SH3PXD2B: variants seen among roughly 807,000 people sequenced by gnomAD.
SH3PXD2B encodes SH3 and PX domains 2B, also known as SH3 and PX domain-containing protein 2B.
Under a neutral mutation model 73.1 loss-of-function variants are expected in SH3PXD2B, and 37 were observed. The observed-to-expected ratio is 0.51, with a 90% CI of 0.39 to 0.67. The LOEUF (loss-of-function observed/expected upper bound fraction) is 0.67, where lower values mean the gene tolerates loss of function less well. Ranked by LOEUF, SH3PXD2B falls within the 30% of genes least tolerant of loss-of-function variation. The pLI, the probability that SH3PXD2B is intolerant of heterozygous loss-of-function variation, is 0.00. For missense variants in SH3PXD2B, 1,053 were observed against 1,197.8 expected, an observed-to-expected ratio of 0.88 and a Z score of 1.78; for synonymous variants, 457 against 480.5, an observed-to-expected ratio of 0.95 and a Z score of 0.64.
At chr5:172,373,672 T>A in intron 6 of SH3PXD2B, 118 bp downstream of exon 6, 2 of 1,161,606 alleles carry the variant, frequency 1.7e-6, no homozygotes, top group Non-Finnish European at 2.5e-6. Flanking sequence ...CTGCCAACCA[T>A]CCACCCATCC....
rs571850981 is a variant in SH3PXD2B at position 172,396,198 on chromosome 5, CAAAAA to C, written c.233-1564_233-1560del. ...CAAAACTCTGTCTCTACTAAAAATA[CAAAAA>C]AAAAAAAAAAAAAAAAAAAAATCAG... On this transcript the variant is annotated intron_variant, in intron 3 of 12. Transcript: ENST00000311601. 3.2e-4 allele frequency among the ~76,000 whole-genome samples: 25 copies of C among 78,382 alleles called. No individual in the cohort carries two copies. In the South Asian group the frequency reaches 4.3e-3, roughly 13 times the overall value. 51.4% of individuals were successfully genotyped at this position (78,382 alleles called of 152,430 possible). A position where few individuals can be genotyped will look rare whatever the true frequency, so the allele number is the denominator to read the frequency against.
At chr5:172,362,329 AG>A in intron 7 of SH3PXD2B, among the ~76,000 whole-genome samples, 1 of 152,262 alleles carries the variant, frequency 6.6e-6, no homozygotes, top group Middle Eastern at 3.4e-3. Flanking sequence ...TGTGATGGGC[AG>A]GTAGGCTAAG....
chr5:172,390,180 C>A (rs1032300490), intron 4 of SH3PXD2B, among the ~76,000 whole-genome samples: 14 of 152,302 alleles, frequency 9.2e-5, no homozygotes, highest in Middle Eastern at 6.8e-3. Context: ...GTCCCCCAAC[C>A]TAATTTACAG....
At position 172,336,743 on chromosome 5, in the gene SH3PXD2B, A is replaced by G; in HGVS notation, c.*1626T>C. The G allele has an allele frequency of 1.0e-6, 1 of 985,686 alleles. No individual in the cohort carries two copies. The highest frequency in any genetic ancestry group is 5.2e-4 in the Middle Eastern group (1 of 1,914). The allele number at this position is 985,686 out of a possible 1,614,324, so 61.1% of individuals were successfully genotyped here. On this transcript the variant is annotated 3_prime_UTR_variant, in exon 13 of 13. Transcript: ENST00000311601. Reference sequence around the variant, plus strand: ...GGCAGGGCTGCCTCGGTCGGGTAGAATGGGAAGGGGTTCTGCTCTGCTCTC... The same window carrying G: ...GGCAGGGCTGCCTCGGTCGGGTAGAGTGGGAAGGGGTTCTGCTCTGCTCTC...
At chr5:172,378,398 G>A (rs1757866796) in intron 5 of SH3PXD2B, among the ~76,000 whole-genome samples, 4 of 152,202 alleles carry the variant, frequency 2.6e-5, no homozygotes. Flanking sequence ...TGAAACTGCA[G>A]GTGCTCTTCC....
intron 10 of SH3PXD2B, among the ~76,000 whole-genome samples, 175 bp downstream of exon 10, chr5:172,350,188 C>T (rs577013489): frequency 4.6e-5 from 7 of 152,262 alleles, no homozygotes; most frequent in East Asian, 1.9e-4. Context: ...CTGCAATTCA[C>T]GGGCTGAATG....
chr5:172,353,120 G>C lies in SH3PXD2B; in HGVS notation c.785+768C>G, dbSNP rs2113296301. On this transcript the variant is annotated intron_variant, in intron 9 of 12. Coordinates refer to ENST00000311601, the MANE Select transcript of SH3PXD2B (RefSeq NM_001017995.3). The surrounding 1 kb of genome is among the most constrained non-coding windows in gnomAD (Gnocchi z 4.3). ...TTGACTCCTCAGCTCCCAGAACAGG[G>C]CTGGGCCCAACAGAGATTCTTGGTG... Among the ~76,000 whole-genome samples, 1 of 152,256 alleles carries C rather than the reference G, an allele frequency of 6.6e-6. No homozygotes were observed. The highest frequency in any genetic ancestry group is 2.4e-5 in the African/African-American group (1 of 41,536).
chr5:172,347,680 G>C (rs1184887125), intron 10 of SH3PXD2B, among the ~76,000 whole-genome samples: 1 of 152,164 alleles, frequency 6.6e-6, no homozygotes, highest in East Asian at 1.9e-4. Context: ...CACAGCTGCT[G>C]GCATTGGACA....
In SH3PXD2B at chr5:172,346,206, T is replaced by C. The variant is rs1408830667; in HGVS notation, c.1118A>G (p.Tyr373Cys). The C allele has an allele frequency of 6.2e-7, 1 of 1,614,068 alleles. No individual in the cohort carries two copies. Among genetic ancestry groups the C allele is most frequent in the Non-Finnish European group, 8.5e-7 (1 of 1,180,036 alleles). Residue 373 changes from tyrosine (Y) to cysteine (C), a missense_variant, in exon 12 of 13, where the codon TAT becomes TGT. This residue lies in a region of SH3PXD2B where 466 missense variants were observed against 607.1 expected (regional missense o/e 0.77). Coordinates refer to ENST00000311601, the MANE Select transcript of SH3PXD2B (RefSeq NM_001017995.3). ...PPIPPQVEEEYYTIAEFQTTI... is the reference protein window; with the variant it reads ...PPIPPQVEEECYTIAEFQTTI... Reference sequence around the variant, plus strand: ...TGTCTGGAATTCGGCGATGGTGTAATACTCTTCCTCCACTTGGGGCGGGAT... The same window carrying C: ...TGTCTGGAATTCGGCGATGGTGTAACACTCTTCCTCCACTTGGGGCGGGAT...
Position 172,334,177 on chromosome 5 carries a change from A to G in SH3PXD2B, c.*4192T>C. The G allele has an allele frequency of 9.0e-7, 1 of 1,108,160 alleles. No homozygotes were observed. The highest frequency in any genetic ancestry group is 1.1e-6 in the Non-Finnish European group (1 of 906,396). 68.6% of individuals were successfully genotyped at this position (1,108,160 alleles called of 1,614,324 possible). On this transcript the variant is annotated 3_prime_UTR_variant, in exon 13 of 13. Coordinates refer to ENST00000311601, the MANE Select transcript of SH3PXD2B (RefSeq NM_001017995.3). ...TTGAAACATGAGGAGGAGCTCGATA[A>G]CTTGGCAGAATAGCACCAGAAACCA... is the stretch of plus-strand genomic sequence containing the variant.
chr5:172,393,509 A>G (rs550120938), intron 4 of SH3PXD2B, among the ~76,000 whole-genome samples: 1 of 152,044 alleles, frequency 6.6e-6, no homozygotes, highest in South Asian at 2.1e-4. Flanking sequence ...AAGAGTCAAT[A>G]CTCTTTCCTT....
chr5:172,387,404 T>TA (rs1260048775), intron 4 of SH3PXD2B, among the ~76,000 whole-genome samples: 2 of 152,236 alleles, frequency 1.3e-5, no homozygotes, highest in Non-Finnish European at 2.9e-5. Flanking sequence ...TAACTGTTGT[T>TA]AGAATTTTTG....
chr5:172,430,414 G>A (rs577867947), intron 1 of SH3PXD2B, among the ~76,000 whole-genome samples: 1 of 152,350 alleles, frequency 6.6e-6, no homozygotes, highest in East Asian at 1.9e-4. Flanking sequence ...CCTGAGCCTG[G>A]GGCACAGGTT....
rs748596484 is a variant in SH3PXD2B, at chr5:172,350,392, C to A, written c.983G>T (p.Arg328Leu). 3.1e-6 allele frequency: 5 copies of A among 1,613,670 alleles called. No individual in the cohort carries two copies. In the African/African-American group the frequency reaches 5.3e-5, roughly 17 times the overall value. The change falls in exon 10 of 13, where the codon CGC (arginine) becomes CTC (leucine). Residue 328 changes from arginine (R) to leucine (L), a missense_variant. Around this residue, in one of 2 missense-constraint regions of SH3PXD2B, gnomAD observed 466 missense variants for 607.1 expected, o/e 0.77. Transcript: ENST00000311601. Reference sequence around the variant, plus strand: ...CTTGGCGTCACCGTCGGGCACCGGGCGGCCTTCAAACCGCCCGTCCCTCTG... The same window carrying A: ...CTTGGCGTCACCGTCGGGCACCGGGAGGCCTTCAAACCGCCCGTCCCTCTG... ...SSQRDGRFEG[R>L]PVPDGDAKQR... is the part of the protein sequence containing the mutation.
At chr5:172,394,260 T>C (rs897365926) in intron 4 of SH3PXD2B, among the ~76,000 whole-genome samples, 1 of 152,204 alleles carries the variant, frequency 6.6e-6, no homozygotes, top group Non-Finnish European at 1.5e-5. Flanking sequence ...GATGTTTTAA[T>C]AGTAGGGAAA....
rs765762255 is a variant in SH3PXD2B, at chr5:172,339,434, C to T, written c.1671G>A (p.Pro557=). Residue 557 remains proline, a synonymous_variant, in exon 13 of 13, where the codon CCG becomes CCA. Transcript: ENST00000311601. This position sits in a 1 kb window ranked among gnomAD's most constrained non-coding sequence, Gnocchi z 6.1. ...CTGGCATCATCGGCAAAATCACGCC[C>T]GGAGGCTTGGGAGTGGGGCCCCGGA... The part of the protein sequence containing the change: ...EQLRGPTPKP[P]GVILPMMPAK... 1.1e-5 allele frequency: 18 copies of T among 1,613,998 alleles called. 1 individual carries two copies. Among genetic ancestry groups the T allele is most frequent in the Middle Eastern group, 1.6e-4 (1 of 6,084 alleles).
chr5:172,451,132 C>T (rs886119730), intron 1 of SH3PXD2B, among the ~76,000 whole-genome samples: 1 of 152,202 alleles, frequency 6.6e-6, no homozygotes, highest in Admixed American at 6.5e-5. Context: ...GAGAAGGCAC[C>T]ATTTCAGAGG....
chr5:172,344,113 T>C (rs1756924399), intron 12 of SH3PXD2B, among the ~76,000 whole-genome samples: 1 of 152,162 alleles, frequency 6.6e-6, no homozygotes, highest in Non-Finnish European at 1.5e-5. Flanking sequence ...ATCATCATCA[T>C]CATTATCATA....
At chr5:172,392,453 ACTATCT>A (rs569162126) in intron 4 of SH3PXD2B, among the ~76,000 whole-genome samples, 222 of 152,240 alleles carry the variant, frequency 1.5e-3, no homozygotes, top group African/African-American at 5.2e-3. Flanking sequence ...GCAACAGGTG[ACTATCT>A]CAACTGTTTG....
Sources: gnomAD v4.1 joint callset for allele counts (sites outside exome capture counted in the v4.1 genomes callset) on GRCh38, gnomAD v4.1.1 for gene constraint, gnomAD v4.1.1 regional missense constraint, Gnocchi (gnomAD v3.1) non-coding constraint, MANE v1.5 for transcripts, NCBI Gene and HGNC (gene_info 2026-07-23, HGNC 2026-07-21) for gene names.